The following C16orf74 variants were observed in gnomAD, a reference collection of about 807,000 sequenced individuals.
The protein encoded by C16orf74 is uncharacterized protein C16orf74.
In C16orf74, 10 loss-of-function variants were observed where a neutral mutation model predicts 6.5. That is an observed-to-expected ratio of 1.54 (90% CI 0.95 to 2.61). The LOEUF is 2.61. Ranked by LOEUF, C16orf74 falls within the 30% of genes most tolerant of loss-of-function variation. C16orf74 has a pLI of 0.00. For synonymous variants in C16orf74, 60 were observed against 42.5 expected (o/e 1.41, Z -1.60); for missense variants, 141 against 105.9 (o/e 1.33, Z -1.45).
intron 1 of C16orf74, among the ~76,000 whole-genome samples, chr16:85,749,362 T>G (rs1273802734): frequency 1.3e-5 from 2 of 152,164 alleles, no homozygotes; most frequent in Non-Finnish European, 2.9e-5. Context: ...CATAGCTCAC[T>G]GTAGCCTCAA....
chr16:85,711,524 G>C (rs901085476), intron 2 of C16orf74, among the ~76,000 whole-genome samples: 2 of 150,918 alleles, frequency 1.3e-5, no homozygotes, highest in African/African-American at 4.9e-5. Flanking sequence ...TCGGGAGGCT[G>C]AGGCAGGAGA....
chr16:85,714,850 CCTT>C (rs1157571345), intron 2 of C16orf74, among the ~76,000 whole-genome samples: 1 of 151,794 alleles, frequency 6.6e-6, no homozygotes, highest in Non-Finnish European at 1.5e-5. Flanking sequence ...GGGGTTTGAA[CCTT>C]CTTTAAAGAA....
In C16orf74 at chr16:85,748,161, T is replaced by A. The variant is rs544487967; in HGVS notation, c.-19+2765A>T. 3.6e-4 allele frequency among the ~76,000 whole-genome samples: 23 copies of A among 64,774 alleles called. No individual in the cohort carries two copies. The East Asian group carries it at 4.8e-3, about 14-fold the overall frequency. 42.5% of individuals were successfully genotyped at this position (64,774 alleles called of 152,430 possible). A position where few individuals can be genotyped will look rare whatever the true frequency, so the allele number is the denominator to read the frequency against. On this transcript the variant is annotated intron_variant, in intron 1 of 3. Transcript: ENST00000284245. ...ATATGTGTGTGTATATATATATATG[T>A]GTATATATATATATATACACATACA...
intron 2 of C16orf74, among the ~76,000 whole-genome samples, chr16:85,734,421 G>C (rs2054222152): frequency 6.6e-6 from 1 of 152,190 alleles, no homozygotes; most frequent in African/African-American, 2.4e-5. Context: ...AGGTGGGTAG[G>C]TGGCCTCTGC....
chr16:85,740,190 G>A (rs1324208468), intron 1 of C16orf74, among the ~76,000 whole-genome samples: 5 of 116,654 alleles, frequency 4.3e-5, no homozygotes, highest in African/African-American at 1.3e-4. Context: ...TAGGCTGGGC[G>A]ACAAGAACGA....
chr16:85,740,827 CAAA>C (rs57813380), intron 1 of C16orf74, among the ~76,000 whole-genome samples: 5 of 97,900 alleles, frequency 5.1e-5, no homozygotes, highest in Non-Finnish European at 9.2e-5. Flanking sequence ...GTGAGACCCT[CAAA>C]AAAAAAAAAA....
At chr16:85,748,925 A>ATTTTTTTTTT in intron 1 of C16orf74, among the ~76,000 whole-genome samples, 1 of 73,070 alleles carries the variant, frequency 1.4e-5, no homozygotes, top group Non-Finnish European at 2.7e-5. Flanking sequence ...GGAGGCTTTG[A>ATTTTTTTTTT]TTTTTTTTTT....
intron 1 of C16orf74, chr16:85,743,393 A>G (rs1460342596): frequency 6.6e-6 from 1 of 152,188 alleles, no homozygotes; most frequent in African/African-American, 2.4e-5. Context: ...CTGAACCCTA[A>G]CAATGCCCTA....
chr16:85,731,673 C>T (rs1178679915), intron 2 of C16orf74, among the ~76,000 whole-genome samples: 1 of 143,970 alleles, frequency 6.9e-6, no homozygotes, highest in African/African-American at 2.6e-5. Context: ...TTGTTGAAAA[C>T]AGGATCTTTG....
intron 2 of C16orf74, among the ~76,000 whole-genome samples, chr16:85,727,964 CAAAAAAAAAA>C (rs59377902): frequency 7.9e-5 from 6 of 75,794 alleles, no homozygotes; most frequent in Non-Finnish European, 1.3e-4. Context: ...CCCTTCTCTA[CAAAAAAAAAA>C]AAAAAAAAAA....
At chr16:85,747,375 C>T (rs2054385855) in intron 1 of C16orf74, among the ~76,000 whole-genome samples, 1 of 151,924 alleles carries the variant, frequency 6.6e-6, no homozygotes, top group Non-Finnish European at 1.5e-5. Flanking sequence ...TCACCTGAGC[C>T]CAGGAGGTTG....
intron 2 of C16orf74, among the ~76,000 whole-genome samples, chr16:85,721,021 G>C (rs1488383588): frequency 6.6e-6 from 1 of 152,088 alleles, no homozygotes; most frequent in Non-Finnish European, 1.5e-5. Flanking sequence ...AACCCAGGAG[G>C]CAGAGGTTGC....
chr16:85,730,035 C>T (rs1025441762), intron 2 of C16orf74, among the ~76,000 whole-genome samples: 1 of 152,188 alleles, frequency 6.6e-6, no homozygotes, highest in African/African-American at 2.4e-5. Flanking sequence ...GCCATCGACA[C>T]AAAGCCAGCC....
chr16:85,745,847 G>A (rs1436719803), intron 1 of C16orf74, among the ~76,000 whole-genome samples: 7 of 152,210 alleles, frequency 4.6e-5, no homozygotes. Flanking sequence ...TTCAAAGTGG[G>A]CTCCAACGTT....
chr16:85,747,346 G>T (rs1597185236), intron 1 of C16orf74, among the ~76,000 whole-genome samples: 1 of 152,138 alleles, frequency 6.6e-6, no homozygotes, highest in Non-Finnish European at 1.5e-5. Flanking sequence ...CAACTACTTG[G>T]GGGGCTGAGT....
At chr16:85,740,211 C>CAAAAAAAAAAAAAAAAA (rs1314457386) in intron 1 of C16orf74, among the ~76,000 whole-genome samples, 1 of 60,252 alleles carries the variant, frequency 1.7e-5, no homozygotes, top group Non-Finnish European at 3.0e-5. Context: ...GACTTTGTCT[C>CAAAAAAAAAAAAAAAAA]AAAAAAAAAA....
At chr16:85,740,767 G>C (rs77744306) in intron 1 of C16orf74, among the ~76,000 whole-genome samples, 1,465 of 128,842 alleles carry the variant, frequency 0.011, 27 homozygotes, top group African/African-American at 0.04. Flanking sequence ...GGGAGATGGA[G>C]GTTTTAGTGA....
intron 1 of C16orf74, among the ~76,000 whole-genome samples, chr16:85,737,949 A>AT (rs1438430052): frequency 7.0e-6 from 1 of 142,040 alleles, no homozygotes; most frequent in Non-Finnish European, 1.5e-5. Context: ...AACATTATGA[A>AT]TTTTTTTTGT....
chr16:85,710,206 T>C lies in C16orf74; in HGVS notation c.130A>G (p.Thr44Ala). Residue 44 changes from threonine to alanine, a missense_variant, in exon 3 of 4, where the codon ACC becomes GCC. By Grantham distance (58) the Thr-to-Ala change is moderately conservative. Coordinates refer to ENST00000284245, the MANE Select transcript of C16orf74 (RefSeq NM_206967.3). ...CTCGGCAGCATCATGCCCGTGGGGG[T>C]GGGGGGCGTGATGATGATGTCGGGC... ...DVPDIIITPPTPTGMMLPRDL... is the reference protein window; with the variant it reads ...DVPDIIITPPAPTGMMLPRDL... 1 of 1,492,076 alleles carries C rather than the reference T, an allele frequency of 6.7e-7. No homozygotes were observed. Among genetic ancestry groups the C allele is most frequent in the Non-Finnish European group, 8.8e-7 (1 of 1,132,330 alleles). 92.4% of individuals were successfully genotyped at this position (1,492,076 alleles called of 1,614,324 possible).
Sources: gnomAD v4.1 joint callset for allele counts (sites outside exome capture counted in the v4.1 genomes callset) on GRCh38, gnomAD v4.1.1 for gene constraint, MANE v1.5 for transcripts, NCBI Gene and HGNC (gene_info 2026-07-23, HGNC 2026-07-21) for gene names.